Variants in SOS1 observed in about 807,000 individuals in gnomAD.
SOS1 encodes son of sevenless homolog 1.
Under a neutral mutation model 157.6 loss-of-function variants are expected in SOS1, and 25 were observed. The ratio of observed to expected loss-of-function variants is 0.16; its 90% CI spans 0.12 to 0.22. SOS1 has a LOEUF of 0.22. SOS1 is among the 10% of genes least tolerant of loss of function. SOS1 has a pLI of 1.00. For missense variants in SOS1, 1,237 were observed against 1,599.1 expected, an observed-to-expected ratio of 0.77 and a Z score of 3.86; for synonymous variants, 528 against 534.0, an observed-to-expected ratio of 0.99 and a Z score of 0.16.
At chr2:39,023,701 TA>T in intron 9 of SOS1, 1 of 317,082 alleles carries the variant, frequency 3.2e-6, no homozygotes, top group South Asian at 3.9e-5. Context: ...AGGACACTAA[TA>T]ATTTTACTTT....
At chr2:39,025,520 T>C (rs1263596603) in intron 8 of SOS1, among the ~76,000 whole-genome samples, 3 of 151,608 alleles carry the variant, frequency 2.0e-5, no homozygotes, top group Non-Finnish European at 4.4e-5. Flanking sequence ...TGACTGATTT[T>C]TTTTTTTTTT....
intron 13 of SOS1, 49 bp from the exon 14 acceptor site, chr2:39,012,397 ATTT>A: frequency 1.2e-6 from 1 of 823,926 alleles, no homozygotes; most frequent in Admixed American, 3.7e-5. Flanking sequence ...TTTATTTAAT[ATTT>A]TATATTTTAA....
intron 6 of SOS1, among the ~76,000 whole-genome samples, chr2:39,037,237 G>A (rs1670388065): frequency 6.6e-6 from 1 of 152,222 alleles, no homozygotes; most frequent in African/African-American, 2.4e-5. Context: ...AACAACAAGA[G>A]GATGGAGTCA....
In SOS1 at chr2:39,099,965, C is replaced by A. The variant is rs191619873; in HGVS notation, c.87+20371G>T. Among the ~76,000 whole-genome samples the A allele has an allele frequency of 2.1e-4, 32 of 152,288 alleles. 1 individual carries two copies. The highest frequency in any genetic ancestry group is 6.5e-4 in the African/African-American group (27 of 41,554). ...CTCCTGACCTCAAGTGATCCACCTG[C>A]CTCGCCCTCCCAAAGTGCTGGGATT... On this transcript the variant is annotated intron_variant, in intron 1 of 22. Transcript: ENST00000402219.
chr2:39,020,537 C>G (rs1669765564), intron 10 of SOS1, among the ~76,000 whole-genome samples: 1 of 151,616 alleles, frequency 6.6e-6, no homozygotes, highest in Admixed American at 6.6e-5. Flanking sequence ...ACCTACTAAC[C>G]AAATCACAAA....
Position 38,985,755 on chromosome 2 carries a change from A to C in SOS1, c.*69T>G. 1 of 1,571,632 alleles carries C rather than the reference A, an allele frequency of 6.4e-7. No homozygotes were observed. Among genetic ancestry groups the C allele is most frequent in the Non-Finnish European group, 8.7e-7 (1 of 1,145,322 alleles). On this transcript the variant is annotated 3_prime_UTR_variant, in exon 23 of 23. Transcript: ENST00000402219. ...CTCATTTTAACTCCTCAGTGCTGGC[A>C]CATTCAGTGCATCCATTGCCAGCAA...
rs1252079618 is a variant in SOS1, at chr2:39,110,035, TGTGC to T, written c.87+10297_87+10300del. Among the ~76,000 whole-genome samples the T allele has an allele frequency of 3.2e-3, 414 of 129,568 alleles. 3 individuals are homozygous for T. Among genetic ancestry groups the T allele is most frequent in the African/African-American group, 0.01 (356 of 34,686 alleles). 85.0% of individuals were successfully genotyped at this position (129,568 alleles called of 152,430 possible). A position where few individuals can be genotyped will look rare whatever the true frequency, so the allele number is the denominator to read the frequency against. ...AGAGATACAGATACAGTTGTGTGTG[TGTGC>T]GTGTGTGTGTGTGTGTGTGTGTGTG... is the stretch of plus-strand genomic sequence containing the variant. On this transcript the variant is annotated intron_variant, in intron 1 of 22. Coordinates refer to ENST00000402219, the MANE Select transcript of SOS1 (RefSeq NM_005633.4).
chr2:39,060,943 A>C (rs1671379314), intron 2 of SOS1, among the ~76,000 whole-genome samples: 1 of 152,076 alleles, frequency 6.6e-6, no homozygotes, highest in Non-Finnish European at 1.5e-5. Context: ...TGAAAAAAAA[A>C]AAAAATCACC....
chr2:39,111,663 G>A (rs1225536168), intron 1 of SOS1, among the ~76,000 whole-genome samples: 2 of 151,456 alleles, frequency 1.3e-5, no homozygotes, highest in Non-Finnish European at 2.9e-5. Context: ...ATTCCCATAT[G>A]CAACCCAATA....
At chr2:39,092,278 C>A (rs1363815805) in intron 1 of SOS1, among the ~76,000 whole-genome samples, 1 of 152,080 alleles carries the variant, frequency 6.6e-6, no homozygotes, top group Non-Finnish European at 1.5e-5. Context: ...TGGCTCACTG[C>A]ACATACTGCT....
chr2:39,044,864 G>GCACACACACA (rs59580960), intron 6 of SOS1, among the ~76,000 whole-genome samples: 174 of 147,758 alleles, frequency 1.2e-3, no homozygotes, highest in Middle Eastern at 0.01. Context: ...GCGCGCGCGC[G>GCACACACACA]CACACACACA....
At chr2:39,046,886 C>A (rs1303001763) in intron 6 of SOS1, among the ~76,000 whole-genome samples, 1 of 152,178 alleles carries the variant, frequency 6.6e-6, no homozygotes, top group Non-Finnish European at 1.5e-5. Context: ...AGAACACCAT[C>A]CAATGCATCT....
At chr2:39,110,929 C>T (rs1673403276) in intron 1 of SOS1, among the ~76,000 whole-genome samples, 1 of 151,914 alleles carries the variant, frequency 6.6e-6, no homozygotes, top group Admixed American at 6.6e-5. Flanking sequence ...GGAGAAACCC[C>T]ATCTCTATTA....
intron 2 of SOS1, 25 bp from the exon 3 acceptor site, chr2:39,058,829 T>C (rs764708392): frequency 3.8e-6 from 6 of 1,593,110 alleles, no homozygotes; most frequent in Non-Finnish European, 5.2e-6. Context: ...AAATAACAAC[T>C]AAGCAAAAAA....
At chr2:38,997,533 CA>C in intron 17 of SOS1, 108 bp from the exon 18 acceptor site, 2 of 646,498 alleles carry the variant, frequency 3.1e-6, no homozygotes, top group Admixed American at 2.7e-5. Context: ...GTTGCCAAAA[CA>C]AAAGAACCAA....
intron 1 of SOS1, among the ~76,000 whole-genome samples, chr2:39,085,916 A>T (rs996784543): frequency 6.6e-6 from 1 of 152,232 alleles, no homozygotes; most frequent in African/African-American, 2.4e-5. Flanking sequence ...TTATTTAAAC[A>T]TAATAATAAA....
intron 1 of SOS1, among the ~76,000 whole-genome samples, chr2:39,101,091 C>T (rs999350918): frequency 7.9e-5 from 12 of 151,852 alleles, no homozygotes; most frequent in Non-Finnish European, 1.3e-4. Context: ...AGAAGCGTGC[C>T]GCTAGCATCT....
chr2:39,088,304 G>C (rs551901412), intron 1 of SOS1, among the ~76,000 whole-genome samples: 1 of 149,686 alleles, frequency 6.7e-6, no homozygotes, highest in East Asian at 2.0e-4. Context: ...GAGATGGAGC[G>C]AAGGAAGTGA....
intron 1 of SOS1, among the ~76,000 whole-genome samples, chr2:39,107,103 A>C (rs530438098): frequency 6.6e-6 from 1 of 152,150 alleles, no homozygotes; most frequent in South Asian, 2.1e-4. Context: ...TTTTAAATAC[A>C]GGGGTTTTTT....
Sources: allele counts gnomAD v4.1 joint callset (sites outside exome capture counted in the v4.1 genomes callset), GRCh38; gene constraint gnomAD v4.1.1; transcripts MANE v1.5; gene names NCBI Gene and HGNC (gene_info 2026-07-23, HGNC 2026-07-21).